The following RBM47 variants were observed in gnomAD, a reference collection of about 807,000 sequenced individuals.
The protein encoded by RBM47 is RNA-binding protein 47.
In RBM47, 21 loss-of-function variants were observed where a neutral mutation model predicts 47.1. That is an observed-to-expected ratio of 0.45 (90% CI 0.32 to 0.64). RBM47 has a LOEUF of 0.64. RBM47 is among the 30% of genes least tolerant of loss of function. The pLI is 0.05. For missense variants in RBM47, 708 were observed against 870.9 expected (o/e 0.81, Z 2.35); for synonymous variants, 375 against 361.7 (o/e 1.04, Z -0.42).
intron 2 of RBM47, among the ~76,000 whole-genome samples, chr4:40,502,835 A>G (rs1723557051): frequency 6.6e-6 from 1 of 151,804 alleles, no homozygotes. Flanking sequence ...TGAGAGAGCA[A>G]AACCCTGTCC....
At chr4:40,481,012 G>A (rs909534019) in intron 2 of RBM47, among the ~76,000 whole-genome samples, 13 of 152,098 alleles carry the variant, frequency 8.5e-5, no homozygotes, top group African/African-American at 3.1e-4. Flanking sequence ...CCTGAGCCAG[G>A]AGGAACAAGG....
chr4:40,429,993 G>C (rs1272256390), intron 6 of RBM47, among the ~76,000 whole-genome samples: 5 of 151,888 alleles, frequency 3.3e-5, no homozygotes. Flanking sequence ...AGGAGATCAA[G>C]ACCATCCTGG....
chr4:40,458,093 G>C (rs905465078), intron 3 of RBM47, among the ~76,000 whole-genome samples: 1 of 152,216 alleles, frequency 6.6e-6, no homozygotes, highest in African/African-American at 2.4e-5. Context: ...TTTGCAAGTA[G>C]TAGTTATATA....
intron 1 of RBM47, among the ~76,000 whole-genome samples, chr4:40,626,736 G>A (rs550487091): frequency 6.6e-6 from 1 of 152,254 alleles, no homozygotes; most frequent in East Asian, 1.9e-4. Flanking sequence ...AATAGACGGG[G>A]AAGCAACTAT....
chr4:40,441,286 G>A (rs1577638061), intron 3 of RBM47, among the ~76,000 whole-genome samples: 2 of 129,182 alleles, frequency 1.5e-5, no homozygotes, highest in Admixed American at 1.6e-4. Context: ...AAAAAAAAAA[G>A]ATCCCAATTA....
At chr4:40,618,397 T>C (rs1437478066) in intron 1 of RBM47, among the ~76,000 whole-genome samples, 2 of 152,144 alleles carry the variant, frequency 1.3e-5, no homozygotes, top group Admixed American at 1.3e-4. Flanking sequence ...CACTGCAGTC[T>C]GGTGACAGAG....
At chr4:40,552,633 C>T (rs373325000) in intron 1 of RBM47, among the ~76,000 whole-genome samples, 20 of 152,278 alleles carry the variant, frequency 1.3e-4, no homozygotes, top group African/African-American at 4.8e-4. Flanking sequence ...TCTCAAAACC[C>T]TCCAATGGCA....
chr4:40,598,728 T>TA (rs1734974869), intron 1 of RBM47, among the ~76,000 whole-genome samples: 1 of 152,156 alleles, frequency 6.6e-6, no homozygotes, highest in African/African-American at 2.4e-5. Flanking sequence ...TAAGCTATTT[T>TA]TAAAAAATCC....
chr4:40,424,023 A>T lies in RBM47; in HGVS notation c.*1881T>A, dbSNP rs545184234. On this transcript the variant is annotated 3_prime_UTR_variant, in exon 7 of 7. Transcript: ENST00000295971. ...GGAAAGGAATGTTAGCGGTGCTTAA[A>T]GGCCTCAGTAGGCACTCAATAATTT... The T allele has an allele frequency of 2.0e-5, 3 of 152,342 alleles. No individual in the cohort carries two copies. In the East Asian group the frequency reaches 5.8e-4, roughly 29 times the overall value. The allele number at this position is 152,342 out of a possible 1,614,324, so 9.4% of individuals were successfully genotyped here. A position where few individuals can be genotyped will look rare whatever the true frequency, so the allele number is the denominator to read the frequency against.
intron 2 of RBM47, among the ~76,000 whole-genome samples, chr4:40,471,157 G>A (rs181894417): frequency 5.3e-5 from 8 of 152,244 alleles, no homozygotes; most frequent in Non-Finnish European, 8.8e-5. Context: ...TCTAGTTCTC[G>A]CTTTGCCACC....
intron 3 of RBM47, among the ~76,000 whole-genome samples, chr4:40,446,692 T>C (rs962331341): frequency 6.9e-6 from 1 of 144,368 alleles, no homozygotes; most frequent in Non-Finnish European, 1.5e-5. Flanking sequence ...TGAGCTATGA[T>C]TGTGCCACTG....
At chr4:40,559,947 T>C (rs781755088) in intron 1 of RBM47, among the ~76,000 whole-genome samples, 11 of 152,194 alleles carry the variant, frequency 7.2e-5, no homozygotes, top group Non-Finnish European at 1.5e-4. Context: ...TTGGCCAAAT[T>C]ACTTGCACTA....
chr4:40,438,417 G>A lies in RBM47; in HGVS notation c.477C>T (p.Pro159=). 1 of 1,613,412 alleles carries A rather than the reference G, an allele frequency of 6.2e-7. No individual in the cohort carries two copies. Among genetic ancestry groups the A allele is most frequent in the Non-Finnish European group, 8.5e-7 (1 of 1,179,984 alleles). ...GGATTTCCTCGCGCTTCTTCATCTTGGGGATCCCGCCGATGAAGAGGCGGC... is the reference window on the plus strand; with the variant it reads ...GGATTTCCTCGCGCTTCTTCATCTTAGGGATCCCGCCGATGAAGAGGCGGC... ...DNCRLFIGGI[P]KMKKREEILE... is the part of the protein sequence containing the mutation. Residue 159 remains proline, a synonymous_variant, in exon 4 of 7, where the codon CCC becomes CCT. Coordinates refer to ENST00000295971, the MANE Select transcript of RBM47 (RefSeq NM_001098634.2).
intron 6 of RBM47, among the ~76,000 whole-genome samples, chr4:40,430,392 A>C (rs1646004893): frequency 6.6e-6 from 1 of 152,208 alleles, no homozygotes; most frequent in African/African-American, 2.4e-5. Context: ...TTTCTTACTA[A>C]AGGAGAATTA....
At chr4:40,429,845 C>CAAGGTAGGGGAGGATGATCG (rs1403034508) in intron 6 of RBM47, among the ~76,000 whole-genome samples, 12 of 151,998 alleles carry the variant, frequency 7.9e-5, no homozygotes, top group Admixed American at 3.3e-4. Context: ...TGAGCGCCTA[C>CAAGGTAGGGGAGGATGATCG]AAGGTAGGGG....
At chr4:40,434,440 C>T (rs1711956823) in intron 5 of RBM47, among the ~76,000 whole-genome samples, 1 of 152,120 alleles carries the variant, frequency 6.6e-6, no homozygotes, top group South Asian at 2.1e-4. Flanking sequence ...GAATTTCTAC[C>T]TCAGGCTCCA....
intron 6 of RBM47, among the ~76,000 whole-genome samples, chr4:40,431,739 C>G (rs938762280): frequency 4.0e-5 from 4 of 99,474 alleles, no homozygotes; most frequent in South Asian, 4.7e-4. Flanking sequence ...ATAAAGAAAC[C>G]AGGATACACT....
chr4:40,498,568 C>T (rs1319186002), intron 2 of RBM47, among the ~76,000 whole-genome samples: 1 of 148,894 alleles, frequency 6.7e-6, no homozygotes, highest in Non-Finnish European at 1.5e-5. Flanking sequence ...GTCCCAACTA[C>T]TTGGGAGGCT....
At chr4:40,469,536 C>T (rs554918713) in intron 2 of RBM47, among the ~76,000 whole-genome samples, 14 of 151,240 alleles carry the variant, frequency 9.3e-5, no homozygotes, top group African/African-American at 1.5e-4. Flanking sequence ...TGGGTTCAAG[C>T]GATTCTCCTG....
Sources: allele counts gnomAD v4.1 joint callset (sites outside exome capture counted in the v4.1 genomes callset), GRCh38; gene constraint gnomAD v4.1.1; transcripts MANE v1.5; gene names NCBI Gene and HGNC (gene_info 2026-07-23, HGNC 2026-07-21).